The following SIPA1L2 variants were observed in gnomAD, a reference collection of about 807,000 sequenced individuals.
SIPA1L2 encodes the protein signal-induced proliferation-associated 1-like protein 2.
SIPA1L2 carries 56 observed loss-of-function variants against 163.9 expected under a neutral mutation model. The observed-to-expected ratio is 0.34, with a 90% CI of 0.28 to 0.43. The LOEUF is 0.43. Ranked by LOEUF, SIPA1L2 falls within the 20% of genes least tolerant of loss-of-function variation. The pLI is 1.00. For missense variants in SIPA1L2, 1,974 were observed against 2,193.5 expected (o/e 0.90, Z 2.00); for synonymous variants, 877 against 865.7 (o/e 1.01, Z -0.23).
At chr1:232,527,725 C>CTTTTTTTTTTTTTTTTTTTTTTT (rs57868657) in intron 2 of SIPA1L2, among the ~76,000 whole-genome samples, 3 of 80,948 alleles carry the variant, frequency 3.7e-5, no homozygotes, top group Admixed American at 2.0e-4. Context: ...TCTTCTTCTT[C>CTTTTTTTTTTTTTTTTTTTTTTT]TTTTTTTTTT....
At chr1:232,556,177 T>C (rs186267379) in intron 2 of SIPA1L2, among the ~76,000 whole-genome samples, 1 of 152,356 alleles carries the variant, frequency 6.6e-6, no homozygotes, top group East Asian at 1.9e-4. Context: ...CTTACCTTTC[T>C]GTCTGTTACA....
At chr1:232,586,168 T>A (rs1660644238) in intron 1 of SIPA1L2, among the ~76,000 whole-genome samples, 1 of 152,148 alleles carries the variant, frequency 6.6e-6, no homozygotes. Flanking sequence ...GCGATACAGT[T>A]TGCACAGGGG....
At chr1:232,552,594 T>C (rs1658454036) in intron 2 of SIPA1L2, among the ~76,000 whole-genome samples, 1 of 152,002 alleles carries the variant, frequency 6.6e-6, no homozygotes, top group African/African-American at 2.4e-5. Context: ...GGTCTTGAAC[T>C]CCTGGGCTCA....
At chr1:232,454,443 T>C (rs1393363395) in intron 10 of SIPA1L2, among the ~76,000 whole-genome samples, 1 of 152,186 alleles carries the variant, frequency 6.6e-6, no homozygotes, top group African/African-American at 2.4e-5. Flanking sequence ...GGACAGAAGC[T>C]CAGCACGTTC....
In SIPA1L2 at chr1:232,423,997, C is replaced by T. The variant is rs748568634; in HGVS notation, c.4630+1592G>A. On this transcript the variant is annotated intron_variant, in intron 18 of 22. Transcript: ENST00000674635. Reference sequence around the variant, plus strand: ...GCTAGAGGGGAGGGAGGGATGAACACGCAGAGCACAGAGGATTTTTAGGGC... The same window carrying T: ...GCTAGAGGGGAGGGAGGGATGAACATGCAGAGCACAGAGGATTTTTAGGGC... Among the ~76,000 whole-genome samples the T allele has an allele frequency of 5.9e-5, 9 of 152,052 alleles. 1 individual carries two copies. Among genetic ancestry groups the T allele is most frequent in the Non-Finnish European group, 1.0e-4 (7 of 68,012 alleles).
intron 15 of SIPA1L2, among the ~76,000 whole-genome samples, chr1:232,436,943 C>A (rs1662601406): frequency 6.6e-6 from 1 of 152,158 alleles, no homozygotes; most frequent in African/African-American, 2.4e-5. Flanking sequence ...GTAAAAGATT[C>A]CACTCACTCA....
intron 2 of SIPA1L2, among the ~76,000 whole-genome samples, chr1:232,532,594 A>G (rs1436082646): frequency 6.6e-6 from 1 of 152,180 alleles, no homozygotes; most frequent in African/African-American, 2.4e-5. Context: ...CAGTTTTTCA[A>G]TGGGGATAAA....
chr1:232,540,726 A>G (rs1657604345), intron 2 of SIPA1L2, among the ~76,000 whole-genome samples: 1 of 151,976 alleles, frequency 6.6e-6, no homozygotes, highest in African/African-American at 2.4e-5. Context: ...GGCAAATGCA[A>G]GAGAGAGAGA....
In SIPA1L2 at chr1:232,469,124, GC is replaced by G. The variant is rs1404306795; in HGVS notation, c.2243+2246del. Reference sequence around the variant, plus strand: ...TAGAGAAGGTGATCTCAACCGCACAGCCCCTTCTGACAGCTGTAAGGCCTAT... The same window carrying G: ...TAGAGAAGGTGATCTCAACCGCACAGCCCTTCTGACAGCTGTAAGGCCTAT... On this transcript the variant is annotated intron_variant, in intron 8 of 22. Transcript: ENST00000674635. Among the ~76,000 whole-genome samples, 10 of 152,206 alleles carry G rather than the reference GC, an allele frequency of 6.6e-5. No homozygotes were observed. The South Asian group carries it at 8.3e-4, about 13-fold the overall frequency.
chr1:232,429,214 C>T (rs577833488), intron 16 of SIPA1L2, among the ~76,000 whole-genome samples: 7 of 152,278 alleles, frequency 4.6e-5, no homozygotes, highest in South Asian at 4.1e-4. Context: ...AAGGTTTACT[C>T]TGAAAATACA....
intron 2 of SIPA1L2, among the ~76,000 whole-genome samples, chr1:232,563,154 G>A (rs1413773846): frequency 6.6e-6 from 1 of 152,198 alleles, no homozygotes; most frequent in African/African-American, 2.4e-5. Flanking sequence ...ATTGTGTGGT[G>A]TAGTGCCTAA....
intron 21 of SIPA1L2, chr1:232,402,697 A>G: frequency 2.8e-6 from 1 of 352,812 alleles, no homozygotes; most frequent in Non-Finnish European, 5.2e-6. Context: ...TAGATATACG[A>G]GTTGGTAGGA....
At chr1:232,492,861 G>A (rs1665999603) in intron 4 of SIPA1L2, among the ~76,000 whole-genome samples, 1 of 152,202 alleles carries the variant, frequency 6.6e-6, no homozygotes, top group African/African-American at 2.4e-5. Flanking sequence ...GGACTTCTGA[G>A]TTAATGCTGG....
chr1:232,441,905 A>C, intron 12 of SIPA1L2, 37 bp from the exon 13 acceptor site: 2 of 1,558,778 alleles, frequency 1.3e-6, no homozygotes, highest in Non-Finnish European at 1.8e-6. Context: ...TCCTTTCTCA[A>C]CCGTGCCACC....
At chr1:232,403,188 T>A (rs1477908286) in intron 21 of SIPA1L2, among the ~76,000 whole-genome samples, 4 of 152,156 alleles carry the variant, frequency 2.6e-5, no homozygotes, top group East Asian at 1.9e-4. Context: ...GTGAGGCTCG[T>A]CACCATGGGC....
intron 2 of SIPA1L2, among the ~76,000 whole-genome samples, chr1:232,548,599 C>T (rs915653771): frequency 2.6e-5 from 4 of 152,174 alleles, no homozygotes; most frequent in African/African-American, 9.7e-5. Context: ...CATTCATTTA[C>T]TCTTTCAATA....
intron 2 of SIPA1L2, among the ~76,000 whole-genome samples, chr1:232,550,140 A>C (rs1658288972): frequency 6.6e-6 from 1 of 152,210 alleles, no homozygotes; most frequent in Non-Finnish European, 1.5e-5. Flanking sequence ...ACTTATTAAC[A>C]ATGCTACTTC....
At chr1:232,401,038 A>G (rs1226785002) in intron 22 of SIPA1L2, among the ~76,000 whole-genome samples, 2 of 151,966 alleles carry the variant, frequency 1.3e-5, no homozygotes, top group African/African-American at 4.8e-5. Flanking sequence ...CAGTGACATT[A>G]TTTCTCTTCA....
Position 232,403,010 on chromosome 1 carries a change from A to T in SIPA1L2, c.4940+438T>A, listed in dbSNP as rs532325863. 8.5e-5 allele frequency among the ~76,000 whole-genome samples: 13 copies of T among 152,070 alleles called. No homozygotes were observed. The South Asian group carries it at 2.5e-3, about 29-fold the overall frequency. On this transcript the variant is annotated intron_variant, in intron 21 of 22. Coordinates refer to ENST00000674635, the MANE Select transcript of SIPA1L2 (RefSeq NM_020808.5). Reference sequence around the variant, plus strand: ...TTCCCAACATATTTCAGTGGAGGGCATGAGGCTGGATCAAGGACCAGGTTC... The same window carrying T: ...TTCCCAACATATTTCAGTGGAGGGCTTGAGGCTGGATCAAGGACCAGGTTC...
Sources: gnomAD v4.1 joint callset for allele counts (sites outside exome capture counted in the v4.1 genomes callset) on GRCh38, gnomAD v4.1.1 for gene constraint, MANE v1.5 for transcripts, NCBI Gene and HGNC (gene_info 2026-07-23, HGNC 2026-07-21) for gene names.